Variants in RFC1 observed in about 807,000 individuals in gnomAD.
RFC1 encodes the protein replication factor C subunit 1.
Under a neutral mutation model 137.4 loss-of-function variants are expected in RFC1, and 37 were observed. That is an observed-to-expected ratio of 0.27 (90% CI 0.21 to 0.35). RFC1 has a LOEUF of 0.35. RFC1 is among the 10% of genes least tolerant of loss of function. RFC1 has a pLI of 1.00. For synonymous variants in RFC1, 429 were observed against 455.7 expected, an observed-to-expected ratio of 0.94 and a Z score of 0.75; for missense variants, 1,205 against 1,358.5, an observed-to-expected ratio of 0.89 and a Z score of 1.78.
At chr4:39,309,054 G>A in intron 12 of RFC1, 22 bp from the exon 13 acceptor site, 1 of 1,565,764 alleles carries the variant, frequency 6.4e-7, no homozygotes, top group Non-Finnish European at 8.6e-7. Context: ...GAAAAATGAG[G>A]AAAAAAGAAA....
chr4:39,345,400 C>T lies in RFC1; in HGVS notation c.208+1G>A. The T allele has an allele frequency of 1.2e-6, 2 of 1,612,748 alleles. No individual in the cohort carries two copies. The highest frequency in any genetic ancestry group is 1.7e-6 in the Non-Finnish European group (2 of 1,179,164). ...TAAAGCTCCTCAGAAGAAATTATTA[C>T]CTGAATCATAGATGATCCTCTTTTT... On this transcript the variant is annotated splice_donor_variant, in intron 3 of 24. Transcript: ENST00000349703. LOFTEE classifies it high-confidence loss of function.
chr4:39,326,028 C>T (rs1358490075), intron 6 of RFC1, among the ~76,000 whole-genome samples: 4 of 152,006 alleles, frequency 2.6e-5, no homozygotes, highest in South Asian at 2.1e-4. Context: ...GGTGAAACTC[C>T]GTCTCTACTA....
intron 12 of RFC1, among the ~76,000 whole-genome samples, chr4:39,310,836 T>G (rs1381457424): frequency 6.6e-6 from 1 of 152,114 alleles, no homozygotes; most frequent in Non-Finnish European, 1.5e-5. Flanking sequence ...CAATAACCTT[T>G]GCATAAAGTC....
intron 9 of RFC1, among the ~76,000 whole-genome samples, chr4:39,319,011 TATTC>T (rs900271189): frequency 3.3e-5 from 5 of 152,022 alleles, no homozygotes; most frequent in Non-Finnish European, 5.9e-5. Flanking sequence ...TTTTCAAAGA[TATTC>T]ATTATCTCAT....
intron 20 of RFC1, 44 bp downstream of exon 20, chr4:39,300,216 G>T (rs780502135): frequency 5.0e-6 from 8 of 1,612,450 alleles, no homozygotes; most frequent in Middle Eastern, 1.6e-4. Context: ...AGCCTTCGCA[G>T]TGCTGGATAC....
chr4:39,357,673 G>A (rs938253332), intron 1 of RFC1, among the ~76,000 whole-genome samples: 3 of 151,566 alleles, frequency 2.0e-5, no homozygotes, highest in Non-Finnish European at 4.4e-5. Flanking sequence ...CTGGAGTGCA[G>A]TGGGGCGATT....
Position 39,342,423 on chromosome 4 carries a change from GC to G in RFC1, c.252del (p.Lys84AsnfsTer58). ...GAAGATACTGGCAGTTTTTCTGGTG[GC>G]TTTTTGGCATTTTTTACCTGCAACG... is the stretch of plus-strand genomic sequence containing the variant. The part of the protein sequence containing the change: ...EETLQVKNAK[K>X]PPEKLPVSSK... On this transcript the variant is annotated frameshift_variant, in exon 4 of 25. Transcript: ENST00000349703. LOFTEE classifies it high-confidence loss of function. 6.2e-7 allele frequency: 1 copy of G among 1,613,366 alleles called. No homozygotes were observed. The highest frequency in any genetic ancestry group is 8.5e-7 in the Non-Finnish European group (1 of 1,179,508).
At chr4:39,327,033 G>C (rs1250746822) in intron 5 of RFC1, among the ~76,000 whole-genome samples, 2 of 152,148 alleles carry the variant, frequency 1.3e-5, no homozygotes, top group Admixed American at 6.6e-5. Context: ...TATGGGGCAG[G>C]CTTTCTTTAA....
intron 22 of RFC1, among the ~76,000 whole-genome samples, chr4:39,293,600 T>C (rs1005506217): frequency 6.6e-6 from 1 of 152,202 alleles, no homozygotes; most frequent in Admixed American, 6.5e-5. Flanking sequence ...TTAAAAATTA[T>C]GAATTCACTA....
intron 1 of RFC1, chr4:39,355,977 G>C (rs1291121591): frequency 7.0e-6 from 1 of 143,004 alleles, no homozygotes; most frequent in African/African-American, 2.5e-5. Flanking sequence ...ACTCCAGCCT[G>C]GTGACAGAGC....
intron 10 of RFC1, among the ~76,000 whole-genome samples, chr4:39,315,378 G>T (rs1036923642): frequency 6.6e-6 from 1 of 152,146 alleles, no homozygotes; most frequent in Non-Finnish European, 1.5e-5. Context: ...GTTTCCTTTT[G>T]GTTTCCACCC....
At position 39,297,689 on chromosome 4, in the gene RFC1, A is replaced by G. The variant is rs560435627; in HGVS notation, c.2809-1930T>C. 19 of 152,522 alleles carry G rather than the reference A, an allele frequency of 1.2e-4. No homozygotes were observed. In the East Asian group the frequency reaches 2.1e-3, roughly 17 times the overall value. The allele number at this position is 152,522 out of a possible 1,614,324, so 9.4% of individuals were successfully genotyped here. ...TTCTCTGTATCGTTCCAATTTTAGT[A>G]TATGTGCTGCCGAAGCGAGCACTTC... is the stretch of plus-strand genomic sequence containing the variant. On this transcript the variant is annotated intron_variant, in intron 21 of 24. Transcript: ENST00000349703.
intron 10 of RFC1, among the ~76,000 whole-genome samples, 196 bp from the exon 11 acceptor site, chr4:39,313,127 G>A (rs13137543): frequency 0.92 from 139,342 of 152,244 alleles, 65,030 homozygotes; most frequent in East Asian, 1. Flanking sequence ...TATGGCTAAC[G>A]TTTAATAAAC....
Position 39,348,424 on chromosome 4 carries a change from AAAAAGAAAAGAAAAGAAAAGAAAAG to A in RFC1, c.132+2899_132+2923del, listed in dbSNP as rs201554512. Among the ~76,000 whole-genome samples the A allele has an allele frequency of 1.3e-3, 93 of 71,816 alleles. 6 individuals carry two copies. The highest frequency in any genetic ancestry group is 2.9e-3 in the Admixed American group (20 of 6,940). 47.1% of individuals were successfully genotyped at this position (71,816 alleles called of 152,430 possible). A position where few individuals can be genotyped will look rare whatever the true frequency, so the allele number is the denominator to read the frequency against. On this transcript the variant is annotated intron_variant, in intron 2 of 24. Coordinates refer to ENST00000349703, the MANE Select transcript of RFC1 (RefSeq NM_002913.5). ...GGCAACAGAGCAAGACTCTGTTTCA[AAAAAGAAAAGAAAAGAAAAGAAAAG>A]AAAAGAAAAGAAAAGAAAAGAAAAG...
At chr4:39,323,502 G>A (rs1739622690) in intron 6 of RFC1, 85 bp from the exon 7 acceptor site, 2 of 1,079,814 alleles carry the variant, frequency 1.9e-6, no homozygotes, top group South Asian at 1.4e-5. Flanking sequence ...CATATATTTA[G>A]AAGAAACTAG....
chr4:39,359,554 C>T (rs182954566), intron 1 of RFC1, among the ~76,000 whole-genome samples: 1 of 152,212 alleles, frequency 6.6e-6, no homozygotes, highest in Admixed American at 6.5e-5. Flanking sequence ...AATACGTGGT[C>T]GCTCAAGCCT....
intron 22 of RFC1, among the ~76,000 whole-genome samples, chr4:39,295,245 T>G (rs905571447): frequency 6.6e-6 from 1 of 152,236 alleles, no homozygotes; most frequent in Non-Finnish European, 1.5e-5. Flanking sequence ...AATAGTTCAT[T>G]TCTTTAAATA....
At chr4:39,342,931 T>C (rs944420259) in intron 3 of RFC1, among the ~76,000 whole-genome samples, 1 of 152,218 alleles carries the variant, frequency 6.6e-6, no homozygotes, top group African/African-American at 2.4e-5. Context: ...GATCCTCTAA[T>C]CTTCCTCCAC....
rs1326741422 is a variant in RFC1 at position 39,320,541 on chromosome 4, G to A, written c.937C>T (p.Pro313Ser). Reference sequence around the variant, plus strand: ...ATTGCCAGCTTAGAACTGGCCTTGGGAGAAGAGACTTCTCCTATTTTGTCA... The same window carrying A: ...ATTGCCAGCTTAGAACTGGCCTTGGAAGAAGAGACTTCTCCTATTTTGTCA... ...SADKIGEVSS[P>S]KASSKLAIMK... Residue 313 changes from proline (P) to serine (S), a missense_variant, in exon 9 of 25, where the codon CCC becomes TCC. Around this residue, in one of 3 missense-constraint regions of RFC1, gnomAD observed 962 missense variants for 1,035.3 expected, o/e 0.93. Coordinates refer to ENST00000349703, the MANE Select transcript of RFC1 (RefSeq NM_002913.5). 1 of 1,613,606 alleles carries A rather than the reference G, an allele frequency of 6.2e-7. No homozygotes were observed. Among genetic ancestry groups the A allele is most frequent in the Non-Finnish European group, 8.5e-7 (1 of 1,179,926 alleles).
Sources: gnomAD v4.1 joint callset for allele counts (sites outside exome capture counted in the v4.1 genomes callset) on GRCh38, gnomAD v4.1.1 for gene constraint, gnomAD v4.1.1 regional missense constraint, MANE v1.5 for transcripts, NCBI Gene and HGNC (gene_info 2026-07-23, HGNC 2026-07-21) for gene names.